The following STRN variants were observed in gnomAD, a reference collection of about 807,000 sequenced individuals.
STRN encodes protein phosphatase 2 regulatory subunit B'''alpha.
Under a neutral mutation model 96.3 loss-of-function variants are expected in STRN, and 53 were observed. The observed-to-expected ratio is 0.55, with a 90% CI of 0.44 to 0.69. The LOEUF is 0.69. Among genes scored for constraint, STRN ranks in the 30% least tolerant of loss-of-function variants. STRN has a pLI of 0.00. For synonymous variants in STRN, 428 were observed against 355.9 expected (o/e 1.20, Z -2.28); for missense variants, 987 against 963.9 (o/e 1.02, Z -0.32).
intron 7 of STRN, among the ~76,000 whole-genome samples, chr2:36,890,788 A>G (rs1049662283): frequency 6.6e-6 from 1 of 152,056 alleles, no homozygotes; most frequent in Non-Finnish European, 1.5e-5. Context: ...CTGGCCCAGA[A>G]AACTATTTTT....
At chr2:36,936,025 G>A (rs1270945994) in intron 1 of STRN, among the ~76,000 whole-genome samples, 1 of 151,720 alleles carries the variant, frequency 6.6e-6, no homozygotes, top group Non-Finnish European at 1.5e-5. Flanking sequence ...TAAATATTAC[G>A]TACTTAGACA....
chr2:36,961,114 A>ATTTTT (rs1665019693), intron 1 of STRN, among the ~76,000 whole-genome samples: 10 of 73,342 alleles, frequency 1.4e-4, no homozygotes, highest in Admixed American at 2.9e-4. Context: ...CCCAGGCTGC[A>ATTTTT]CTTTTTTTTT....
chr2:36,960,881 T>TTTTG (rs911457886), intron 1 of STRN, among the ~76,000 whole-genome samples: 90 of 152,150 alleles, frequency 5.9e-4, no homozygotes, highest in African/African-American at 1.9e-3. Context: ...ATCCATGTAT[T>TTTTG]TTTGTTTGTT....
At chr2:36,891,786 C>G (rs1308425638) in intron 7 of STRN, among the ~76,000 whole-genome samples, 1 of 152,056 alleles carries the variant, frequency 6.6e-6, no homozygotes, top group Admixed American at 6.6e-5. Context: ...ATTAGGAAAC[C>G]TTTTCCTTGA....
rs573798138 is a variant in STRN, at chr2:36,957,790, G to C, written c.234+8440C>G. Among the ~76,000 whole-genome samples, 548 of 98,286 alleles carry C rather than the reference G, an allele frequency of 5.6e-3. 2 individuals are homozygous for C. Among genetic ancestry groups the C allele is most frequent in the Admixed American group, 0.015 (87 of 5,904 alleles). The allele number at this position is 98,286 out of a possible 152,430, so 64.5% of individuals were successfully genotyped here. ...TTTTTTTTGAGGTGGAGTCTCTGTT[G>C]CCCAGGCTGGATTGCAGTGGTGCAA... On this transcript the variant is annotated intron_variant, in intron 1 of 17. Coordinates refer to ENST00000263918, the MANE Select transcript of STRN (RefSeq NM_003162.4).
intron 1 of STRN, among the ~76,000 whole-genome samples, chr2:36,928,305 G>T (rs899636290): frequency 1.3e-5 from 2 of 151,920 alleles, no homozygotes; most frequent in Non-Finnish European, 1.5e-5. Context: ...AGACATAAAA[G>T]ACGAAAACAG....
chr2:36,958,581 T>G (rs754393035), intron 1 of STRN, among the ~76,000 whole-genome samples: 1 of 152,194 alleles, frequency 6.6e-6, no homozygotes, highest in Non-Finnish European at 1.5e-5. Flanking sequence ...GGAAGATATG[T>G]CATTCACAGA....
intron 1 of STRN, among the ~76,000 whole-genome samples, chr2:36,950,435 C>G (rs954184538): frequency 2.0e-5 from 3 of 152,010 alleles, no homozygotes; most frequent in Non-Finnish European, 2.9e-5. Flanking sequence ...AGGCTGGTCT[C>G]GAACTCCTGA....
chr2:36,881,500 T>C (rs1487170580), intron 9 of STRN, among the ~76,000 whole-genome samples: 2 of 152,198 alleles, frequency 1.3e-5, no homozygotes, highest in Non-Finnish European at 2.9e-5. Flanking sequence ...CATATGAACA[T>C]TCTTTCTGAA....
intron 1 of STRN, 77 bp downstream of exon 1, chr2:36,966,153 G>C: frequency 2.9e-6 from 4 of 1,361,716 alleles, no homozygotes; most frequent in East Asian, 3.1e-5. Context: ...GGCTGGGGGA[G>C]GGGGAGAAGG....
intron 7 of STRN, among the ~76,000 whole-genome samples, chr2:36,890,477 CTTTTTTT>C (rs1163881782): frequency 4.8e-5 from 5 of 104,644 alleles, no homozygotes; most frequent in African/African-American, 2.0e-4. Flanking sequence ...CACCAGAAAA[CTTTTTTT>C]TTTTTTTTTT....
chr2:36,857,987 G>C lies in STRN; in HGVS notation c.1706C>G (p.Thr569Arg), dbSNP rs202125881. ...SVLRGPLLGH[T>R]DAVWGLAYSA... The stretch of plus-strand genomic sequence containing the variant: ...ATAAGCCAAACCCCAGACTGCATCC[G>C]TGTGGCCTAGCAGAGGGCCTCGTAA... Residue 569 changes from threonine (T) to arginine (R), a missense_variant, in exon 14 of 18, where the codon ACG (threonine) becomes AGG (arginine). Physicochemically the swap from Thr to Arg is moderately conservative, Grantham distance 71. Transcript: ENST00000263918. The C allele has an allele frequency of 1.2e-6, 2 of 1,611,214 alleles. No individual in the cohort carries two copies. The highest frequency in any genetic ancestry group is 1.7e-6 in the Non-Finnish European group (2 of 1,178,386).
At chr2:36,911,462 C>T (rs1376768744) in intron 3 of STRN, among the ~76,000 whole-genome samples, 1 of 152,166 alleles carries the variant, frequency 6.6e-6, no homozygotes, top group Non-Finnish European at 1.5e-5. Context: ...AGCCTATCAC[C>T]TGTTTTTATA....
chr2:36,867,756 C>A, intron 12 of STRN, 58 bp downstream of exon 12: 2 of 1,180,928 alleles, frequency 1.7e-6, no homozygotes, highest in South Asian at 1.8e-5. Context: ...ATAAAATATC[C>A]TAACCAGGCT....
At chr2:36,900,127 G>A (rs1052285518) in intron 5 of STRN, among the ~76,000 whole-genome samples, 1 of 151,966 alleles carries the variant, frequency 6.6e-6, no homozygotes, top group Non-Finnish European at 1.5e-5. Context: ...GAGCCCAAGT[G>A]ATTCGCCCGC....
At chr2:36,949,233 C>T (rs1490076034) in intron 1 of STRN, among the ~76,000 whole-genome samples, 1 of 152,128 alleles carries the variant, frequency 6.6e-6, no homozygotes, top group Non-Finnish European at 1.5e-5. Context: ...CAGGCTATAC[C>T]ATCTAGGGTT....
At chr2:36,894,863 C>G (rs1316112519) in intron 6 of STRN, among the ~76,000 whole-genome samples, 1 of 152,162 alleles carries the variant, frequency 6.6e-6, no homozygotes, top group Non-Finnish European at 1.5e-5. Context: ...GGCCCTGTTC[C>G]CATGCTGTTA....
At chr2:36,866,168 G>C (rs931824437) in intron 12 of STRN, among the ~76,000 whole-genome samples, 1 of 151,938 alleles carries the variant, frequency 6.6e-6, no homozygotes, top group African/African-American at 2.4e-5. Flanking sequence ...TCCACCTCCC[G>C]GGCTCAATTC....
intron 1 of STRN, among the ~76,000 whole-genome samples, chr2:36,949,162 C>G (rs151312680): frequency 6.6e-6 from 1 of 152,280 alleles, no homozygotes; most frequent in Non-Finnish European, 1.5e-5. Flanking sequence ...CATATAGTAA[C>G]ATGCTATACA....
Sources: allele counts gnomAD v4.1 joint callset (sites outside exome capture counted in the v4.1 genomes callset), GRCh38; gene constraint gnomAD v4.1.1; transcripts MANE v1.5; gene names NCBI Gene and HGNC (gene_info 2026-07-23, HGNC 2026-07-21).